Variants in RANBP2 observed in about 807,000 individuals in gnomAD.
RANBP2 encodes RAN binding protein 2.
A neutral mutation model predicts 303.6 loss-of-function variants in RANBP2; 57 were observed. The ratio of observed to expected loss-of-function variants is 0.19; its 90% CI spans 0.15 to 0.23. The LOEUF is 0.23. RANBP2 is among the 10% of genes least tolerant of loss of function. The probability of loss-of-function intolerance (pLI) is 1.00; values close to 1 mark genes in which losing one functional copy is unlikely to be tolerated. For synonymous variants in RANBP2, 1,167 were observed against 1,301.5 expected (o/e 0.90, Z 2.23); for missense variants, 3,138 against 3,780.8 (o/e 0.83, Z 4.46).
At chr2:109,330,323 TTC>T in the RANBP2 span, among the ~76,000 whole-genome samples, 1 of 152,250 alleles carries the variant, frequency 6.6e-6, no homozygotes, top group Non-Finnish European at 1.5e-5. Flanking sequence ...GGCAAAATTC[TTC>T]TCTTGTGCCT....
chr2:109,159,735 T>C, the RANBP2 span, among the ~76,000 whole-genome samples: 2 of 152,162 alleles, frequency 1.3e-5, no homozygotes, highest in Non-Finnish European at 2.9e-5. Flanking sequence ...TTTCCATCTT[T>C]TGTCTGATCA....
the RANBP2 span, among the ~76,000 whole-genome samples, chr2:109,010,084 A>C: frequency 6.6e-6 from 1 of 152,188 alleles, no homozygotes; most frequent in Non-Finnish European, 1.5e-5. Flanking sequence ...CTTCCGTTAA[A>C]AAAAATTTTA....
At chr2:109,165,721 T>C in the RANBP2 span, among the ~76,000 whole-genome samples, 7 of 152,146 alleles carry the variant, frequency 4.6e-5, no homozygotes, top group African/African-American at 1.7e-4. Flanking sequence ...TGGGGAGGCT[T>C]TCTGCTGCCC....
chr2:109,724,091 T>G, the RANBP2 span, among the ~76,000 whole-genome samples: 93 of 152,314 alleles, frequency 6.1e-4, 1 homozygote, highest in African/African-American at 2.1e-3. Flanking sequence ...TGTGCAGTCT[T>G]ATTTCTGAGT....
At chr2:109,616,022 C>T in the RANBP2 span, 4 of 1,521,634 alleles carry the variant, frequency 2.6e-6, no homozygotes, top group Non-Finnish European at 3.5e-6. Context: ...CTGTTAAAGG[C>T]CACTCGCCCT....
the RANBP2 span, among the ~76,000 whole-genome samples, chr2:108,977,355 G>A: frequency 2.6e-5 from 4 of 152,114 alleles, no homozygotes; most frequent in Non-Finnish European, 4.4e-5. Context: ...TGCAAGCTGC[G>A]CCTCCCGGGT....
At chr2:109,648,481 A>C in the RANBP2 span, among the ~76,000 whole-genome samples, 2 of 151,674 alleles carry the variant, frequency 1.3e-5, no homozygotes, top group African/African-American at 4.8e-5. Context: ...ATAGCTGGGA[A>C]TACAGGCATA....
At chr2:109,763,964 A>G in the RANBP2 span, among the ~76,000 whole-genome samples, 1 of 145,502 alleles carries the variant, frequency 6.9e-6, no homozygotes, top group African/African-American at 2.5e-5. Flanking sequence ...TATAATCAAT[A>G]TACACAATCA....
chr2:109,716,389 T>G, the RANBP2 span, among the ~76,000 whole-genome samples: 1 of 149,942 alleles, frequency 6.7e-6, no homozygotes, highest in Non-Finnish European at 1.5e-5. Context: ...GTAGCTGGGA[T>G]TATAGGTGCC....
chr2:109,403,040 C>T, the RANBP2 span, among the ~76,000 whole-genome samples: 1 of 152,130 alleles, frequency 6.6e-6, no homozygotes, highest in African/African-American at 2.4e-5. Flanking sequence ...CTTAGCTGGC[C>T]GAATTAAGGG....
chr2:109,087,101 G>T, the RANBP2 span, among the ~76,000 whole-genome samples: 1 of 152,180 alleles, frequency 6.6e-6, no homozygotes, highest in South Asian at 2.1e-4. Flanking sequence ...CTGAAAAACC[G>T]CAAATTGTCC....
the RANBP2 span, among the ~76,000 whole-genome samples, chr2:109,620,395 A>G: frequency 6.6e-6 from 1 of 152,312 alleles, no homozygotes; most frequent in African/African-American, 2.4e-5. Flanking sequence ...GATTTTCAAG[A>G]GTAAATTTGA....
the RANBP2 span, among the ~76,000 whole-genome samples, chr2:108,905,018 G>A: frequency 6.6e-6 from 1 of 152,304 alleles, no homozygotes; most frequent in African/African-American, 2.4e-5. Flanking sequence ...ATGGTAAGAA[G>A]TATCTCAAAA....
At chr2:109,538,447 C>T in the RANBP2 span, among the ~76,000 whole-genome samples, 1 of 152,172 alleles carries the variant, frequency 6.6e-6, no homozygotes, top group Non-Finnish European at 1.5e-5. Flanking sequence ...TTGTGAAAGA[C>T]GGGCTTTCTT....
At chr2:109,108,897 T>C in the RANBP2 span, among the ~76,000 whole-genome samples, 1 of 152,044 alleles carries the variant, frequency 6.6e-6, no homozygotes, top group African/African-American at 2.4e-5. Context: ...GGGGCAGACT[T>C]GGAACTCCGG....
chr2:109,514,054 GC>G, the RANBP2 span, among the ~76,000 whole-genome samples: 1 of 152,184 alleles, frequency 6.6e-6, no homozygotes, highest in Non-Finnish European at 1.5e-5. Flanking sequence ...ACGGAGAAGG[GC>G]CTTAATGTGG....
chr2:109,512,728 T>C, the RANBP2 span, among the ~76,000 whole-genome samples: 4 of 152,100 alleles, frequency 2.6e-5, no homozygotes, highest in Non-Finnish European at 4.4e-5. Flanking sequence ...GGTAGCATCT[T>C]TGACTTTCCC....
At chr2:109,259,811 GTC>G in the RANBP2 span, among the ~76,000 whole-genome samples, 2 of 152,276 alleles carry the variant, frequency 1.3e-5, no homozygotes, top group African/African-American at 4.8e-5. Context: ...TCTCTGGGAG[GTC>G]TCTGTTTGTC....
the RANBP2 span, among the ~76,000 whole-genome samples, chr2:108,819,445 G>A: frequency 6.6e-6 from 1 of 152,186 alleles, no homozygotes; most frequent in Non-Finnish European, 1.5e-5. Flanking sequence ...GAAGGGAATG[G>A]TAGCATAGTT....
Sources: gnomAD v4.1 joint callset for allele counts (sites outside exome capture counted in the v4.1 genomes callset) on GRCh38, gnomAD v4.1.1 for gene constraint, MANE v1.5 for transcripts, NCBI Gene and HGNC (gene_info 2026-07-23, HGNC 2026-07-21) for gene names.